ITPR2: variants seen among roughly 807,000 people sequenced by gnomAD.
The protein encoded by ITPR2 is inositol 1,4,5-trisphosphate-gated calcium channel ITPR2.
ITPR2 carries 207 observed loss-of-function variants against 317.1 expected under a neutral mutation model. That is an observed-to-expected ratio of 0.65 (90% CI 0.58 to 0.73). The LOEUF is 0.73. Among genes scored for constraint, ITPR2 ranks in the 30% least tolerant of loss-of-function variants. The pLI, the probability that ITPR2 is intolerant of heterozygous loss-of-function variation, is 0.00. For missense variants in ITPR2, 2,613 were observed against 3,284.0 expected (o/e 0.80, Z 4.99); for synonymous variants, 1,156 against 1,149.1 (o/e 1.01, Z -0.12).
At chr12:26,551,794 T>C (rs1944530963) in intron 36 of ITPR2, among the ~76,000 whole-genome samples, 1 of 152,106 alleles carries the variant, frequency 6.6e-6, no homozygotes, top group Non-Finnish European at 1.5e-5. Flanking sequence ...GGCCGGCATG[T>C]CCAGGAAATG....
intron 16 of ITPR2, among the ~76,000 whole-genome samples, chr12:26,658,599 A>G (rs1340073845): frequency 2.0e-5 from 3 of 152,228 alleles, no homozygotes; most frequent in South Asian, 4.1e-4. Flanking sequence ...TTAGCTAAGG[A>G]AACATTGCCA....
chr12:26,592,629 C>A (rs1009637013), intron 32 of ITPR2, among the ~76,000 whole-genome samples: 4 of 152,324 alleles, frequency 2.6e-5, no homozygotes, highest in African/African-American at 9.6e-5. Context: ...AGACTATGAA[C>A]TGTATATAAA....
chr12:26,417,521 T>C (rs1940758049), intron 50 of ITPR2, among the ~76,000 whole-genome samples: 1 of 152,014 alleles, frequency 6.6e-6, no homozygotes. Flanking sequence ...TCTCTGGAGA[T>C]CTGATGGTTT....
chr12:26,604,914 C>G (rs1946087012), intron 26 of ITPR2, among the ~76,000 whole-genome samples: 2 of 151,782 alleles, frequency 1.3e-5, no homozygotes, highest in East Asian at 3.9e-4. Flanking sequence ...GCCAGTCTGG[C>G]CCATCTCTAC....
intron 49 of ITPR2, among the ~76,000 whole-genome samples, chr12:26,424,529 A>T (rs1174905295): frequency 2.0e-5 from 3 of 151,048 alleles, no homozygotes; most frequent in Non-Finnish European, 4.4e-5. Flanking sequence ...CTGGGTAATG[A>T]TAAACCATAG....
chr12:26,420,725 T>C (rs1031127620), intron 49 of ITPR2, among the ~76,000 whole-genome samples: 6 of 152,198 alleles, frequency 3.9e-5, no homozygotes, highest in African/African-American at 1.4e-4. Context: ...TGAATGTATT[T>C]ATATTTTCTG....
chr12:26,411,107 A>G (rs1940532162), intron 52 of ITPR2: 1 of 502,202 alleles, frequency 2.0e-6, no homozygotes, highest in Non-Finnish European at 3.6e-6. Context: ...ATCCTCCTGA[A>G]TAGAAACAAT....
intron 39 of ITPR2, 146 bp from the exon 40 acceptor site, chr12:26,487,397 G>T (rs541068848): frequency 5.1e-6 from 3 of 583,214 alleles, no homozygotes; most frequent in African/African-American, 3.7e-5. Context: ...GCCTTTGCCA[G>T]TTTCTTGTAC....
chr12:26,508,233 A>C (rs1809789193), intron 37 of ITPR2, among the ~76,000 whole-genome samples: 1 of 152,316 alleles, frequency 6.6e-6, no homozygotes, highest in African/African-American at 2.4e-5. Flanking sequence ...TGCCTTATTT[A>C]TGATTGATGG....
intron 7 of ITPR2, 38 bp from the exon 8 acceptor site, chr12:26,715,483 G>C (rs1236599439): frequency 6.3e-7 from 1 of 1,581,078 alleles, no homozygotes; most frequent in Non-Finnish European, 8.6e-7. Flanking sequence ...ACAAACAGAT[G>C]TGAGAAGCAG....
chr12:26,832,615 G>C, intron 1 of ITPR2, 75 bp downstream of exon 1: 1 of 1,148,582 alleles, frequency 8.7e-7, no homozygotes, highest in Non-Finnish European at 1.2e-6. Flanking sequence ...GGAGGACCGG[G>C]CGGCGGAGGA....
At chr12:26,758,675 T>C (rs1446169064) in intron 2 of ITPR2, among the ~76,000 whole-genome samples, 1 of 152,216 alleles carries the variant, frequency 6.6e-6, no homozygotes, top group East Asian at 1.9e-4. Flanking sequence ...CCAGATTGTC[T>C]TAATAAGTGT....
intron 13 of ITPR2, among the ~76,000 whole-genome samples, chr12:26,669,286 G>C (rs1947695432): frequency 6.6e-6 from 1 of 151,888 alleles, no homozygotes. Flanking sequence ...TAAAAGGGAA[G>C]TTAAGAGAGA....
chr12:26,454,409 T>C (rs549517191), intron 45 of ITPR2, among the ~76,000 whole-genome samples: 5 of 152,294 alleles, frequency 3.3e-5, no homozygotes, highest in East Asian at 1.9e-4. Context: ...TTTCACCATA[T>C]TGGCCAGGAT....
At chr12:26,676,815 G>C (rs1947918819) in intron 13 of ITPR2, among the ~76,000 whole-genome samples, 1 of 151,686 alleles carries the variant, frequency 6.6e-6, no homozygotes, top group Non-Finnish European at 1.5e-5. Context: ...TTAAAAAAAG[G>C]AACAAAATTT....
chr12:26,754,986 T>C (rs1450046583), intron 2 of ITPR2, among the ~76,000 whole-genome samples: 5 of 152,214 alleles, frequency 3.3e-5, no homozygotes, highest in Non-Finnish European at 4.4e-5. Flanking sequence ...TCTGGCTTAC[T>C]TGATATTAAA....
chr12:26,790,633 A>G (rs1375449754), intron 1 of ITPR2, among the ~76,000 whole-genome samples: 1 of 146,568 alleles, frequency 6.8e-6, no homozygotes, highest in Admixed American at 6.8e-5. Flanking sequence ...ACACATACAT[A>G]TATAAGGAAT....
intron 37 of ITPR2, among the ~76,000 whole-genome samples, chr12:26,513,748 TCACACACA>T (rs3056894): frequency 1.3e-4 from 20 of 149,204 alleles, no homozygotes; most frequent in Non-Finnish European, 2.4e-4. Context: ...TTGCCAATTA[TCACACACA>T]CACACACACA....
chr12:26,653,195 C>T (rs956353881), intron 21 of ITPR2, among the ~76,000 whole-genome samples: 3 of 151,928 alleles, frequency 2.0e-5, no homozygotes, highest in Admixed American at 6.5e-5. Context: ...GTGGCATTCA[C>T]TCCTTCTCTG....
Sources: gnomAD v4.1 joint callset for allele counts (sites outside exome capture counted in the v4.1 genomes callset) on GRCh38, gnomAD v4.1.1 for gene constraint, MANE v1.5 for transcripts, NCBI Gene and HGNC (gene_info 2026-07-23, HGNC 2026-07-21) for gene names.